The following UBR4 variants were observed in gnomAD, a reference collection of about 807,000 sequenced individuals.
The protein encoded by UBR4 is E3 ubiquitin-protein ligase UBR4.
Under a neutral mutation model 575.6 loss-of-function variants are expected in UBR4, and 124 were observed. That is an observed-to-expected ratio of 0.22 (90% CI 0.19 to 0.25). The LOEUF (loss-of-function observed/expected upper bound fraction) is 0.25, where lower values mean the gene tolerates loss of function less well. Among genes scored for constraint, UBR4 ranks in the 10% least tolerant of loss-of-function variants. The probability of loss-of-function intolerance (pLI) is 1.00; values close to 1 mark genes in which losing one functional copy is unlikely to be tolerated. For missense variants in UBR4, 4,818 were observed against 6,478.8 expected, an observed-to-expected ratio of 0.74 and a Z score of 8.80; for synonymous variants, 2,455 against 2,473.7, an observed-to-expected ratio of 0.99 and a Z score of 0.22.
chr1:19,179,335 A>G (rs2090625705), intron 17 of UBR4, 115 bp from the exon 18 acceptor site: 1 of 1,127,316 alleles, frequency 8.9e-7, no homozygotes, highest in African/African-American at 1.6e-5. Context: ...ATTTTAAAGA[A>G]AGAAGGACCC....
intron 11 of UBR4, among the ~76,000 whole-genome samples, chr1:19,187,745 G>A (rs1387522130): frequency 2.0e-5 from 3 of 152,068 alleles, no homozygotes; most frequent in African/African-American, 7.2e-5. Flanking sequence ...GATGGCCTAA[G>A]GATCTGCAGG....
Position 19,153,970 on chromosome 1 carries a change from GT to G in UBR4, c.6459-32del, listed in dbSNP as rs2086082447. The G allele has an allele frequency of 6.2e-7, 1 of 1,606,652 alleles. No individual in the cohort carries two copies. Among genetic ancestry groups the G allele is most frequent in the Non-Finnish European group, 8.5e-7 (1 of 1,176,248 alleles). ...GACAACAAAACTGGCCACAGTTAGA[GT>G]GTCAGTCACCATTTAATAGTTCTTT... On this transcript the variant is annotated intron_variant, in intron 44 of 105. Coordinates refer to ENST00000375254, the MANE Select transcript of UBR4 (RefSeq NM_020765.3). The surrounding 1 kb of genome is among the most constrained non-coding windows in gnomAD (Gnocchi z 4.1).
chr1:19,085,654 G>A (rs2076941552), intron 101 of UBR4, among the ~76,000 whole-genome samples: 1 of 152,128 alleles, frequency 6.6e-6, no homozygotes, highest in Non-Finnish European at 1.5e-5. Context: ...ACTCCACAAG[G>A]CATCAGCAAG....
rs774222191 is a variant in UBR4, at chr1:19,161,082, A to G, written c.5241T>C (p.Ser1747=). ...CTAGACTCTCTGAAATCCTGGGTTC[A>G]CTCTGAAATGCCGACTCCTTCATGG... ...SSTMKESAFQ[S]EPRISESLVR... is the part of the protein sequence containing the mutation. Residue 1747 remains serine (S), a synonymous_variant, in exon 38 of 106, where the codon AGT becomes AGC. Transcript: ENST00000375254. 1 of 1,613,984 alleles carries G rather than the reference A, an allele frequency of 6.2e-7. No individual in the cohort carries two copies. The highest frequency in any genetic ancestry group is 1.7e-5 in the Admixed American group (1 of 60,002).
intron 42 of UBR4, 28 bp downstream of exon 42, chr1:19,156,243 C>A (rs1284817922): frequency 3.7e-6 from 6 of 1,610,590 alleles, no homozygotes; most frequent in South Asian, 1.1e-5. Flanking sequence ...AATTCTAGGA[C>A]CATATCATCA....
chr1:19,205,842 C>A (rs1012171150), intron 1 of UBR4, among the ~76,000 whole-genome samples: 18 of 152,156 alleles, frequency 1.2e-4, no homozygotes, highest in African/African-American at 4.1e-4. Flanking sequence ...TATCTGGAAA[C>A]AGAAACCTCG....
intron 49 of UBR4, 150 bp from the exon 50 acceptor site, chr1:19,148,776 A>G (rs1557789773): frequency 1.3e-6 from 1 of 786,792 alleles, no homozygotes; most frequent in East Asian, 2.6e-5. Context: ...CACAGGCACC[A>G]TGCATATCGT....
At chr1:19,141,039 TC>T in intron 57 of UBR4, 147 bp from the exon 58 acceptor site, 1 of 858,806 alleles carries the variant, frequency 1.2e-6, no homozygotes, top group Non-Finnish European at 1.8e-6. Context: ...GCCACTGCTG[TC>T]CACCCACCAA....
At chr1:19,200,394 A>G (rs1199771964) in intron 2 of UBR4, among the ~76,000 whole-genome samples, 1 of 152,110 alleles carries the variant, frequency 6.6e-6, no homozygotes, top group Non-Finnish European at 1.5e-5. Context: ...GCACTAGACA[A>G]TACTACTATT....
intron 94 of UBR4, 147 bp downstream of exon 94, chr1:19,094,759 A>G (rs751820876): frequency 1.3e-5 from 14 of 1,081,366 alleles, no homozygotes; most frequent in Non-Finnish European, 1.8e-5. Context: ...CAATTATGTC[A>G]TCATTAGTTG....
intron 49 of UBR4, 46 bp downstream of exon 49, chr1:19,150,531 A>C (rs2150250378): frequency 1.3e-6 from 2 of 1,590,472 alleles, no homozygotes; most frequent in Admixed American, 3.3e-5. Flanking sequence ...TTCTGCAGTG[A>C]GTGGAATATG....
At chr1:19,181,195 A>G (rs1403022334) in intron 17 of UBR4, among the ~76,000 whole-genome samples, 1 of 152,056 alleles carries the variant, frequency 6.6e-6, no homozygotes, top group East Asian at 1.9e-4. Context: ...TGGGCGACAT[A>G]GCGAGACCCC....
rs146746982 is a variant in UBR4, at chr1:19,195,356, C to A, written c.1018+1785G>T. Among the ~76,000 whole-genome samples, 5 of 150,954 alleles carry A rather than the reference C, an allele frequency of 3.3e-5. No homozygotes were observed. In the East Asian group the frequency reaches 9.7e-4, roughly 29 times the overall value. On this transcript the variant is annotated intron_variant, in intron 8 of 105. Coordinates refer to ENST00000375254, the MANE Select transcript of UBR4 (RefSeq NM_020765.3). ...AAGATTATGAAAAAAAAATCCTATA[C>A]CTGGAATTTCTCAAAGACATCATAG...
rs375569094 is a variant in UBR4, at chr1:19,094,137, G to T, written c.13749C>A (p.Gly4583=). Residue 4583 remains glycine (G), a splice_region_variant and synonymous_variant, in exon 95 of 106, where the codon GGC becomes GGA. Transcript: ENST00000375254. ...SNAEPLSEDK[G]NLLLTGDKDQ... is the part of the protein sequence containing the mutation. ...CCTTGTCACCTGTCAGGAGGAGGTT[G>T]CCCTGCAACAGAAAAGAGGGTGAAC... 6.2e-7 allele frequency: 1 copy of T among 1,611,978 alleles called. No individual in the cohort carries two copies. The highest frequency in any genetic ancestry group is 8.5e-7 in the Non-Finnish European group (1 of 1,179,210).
chr1:19,133,791 A>C (rs2082827872), intron 60 of UBR4, among the ~76,000 whole-genome samples: 1 of 151,950 alleles, frequency 6.6e-6, no homozygotes, highest in Admixed American at 6.6e-5. Context: ...ACAAAAAAAA[A>C]AACTAGGCTG....
chr1:19,166,615 C>T (rs373548622), intron 29 of UBR4, among the ~76,000 whole-genome samples: 4 of 150,526 alleles, frequency 2.7e-5, no homozygotes, highest in South Asian at 2.1e-4. Flanking sequence ...TGGTGGCTCA[C>T]GCCTGTAATC....
intron 81 of UBR4, among the ~76,000 whole-genome samples, chr1:19,107,462 G>T (rs1046635938): frequency 6.6e-6 from 1 of 152,112 alleles, no homozygotes; most frequent in Non-Finnish European, 1.5e-5. Context: ...TTACATGGTT[G>T]TATCTATTGC....
In UBR4 at chr1:19,100,334, C is replaced by A. The variant is rs1277707787; in HGVS notation, c.13221+42G>T. 1 of 1,608,828 alleles carries A rather than the reference C, an allele frequency of 6.2e-7. No homozygotes were observed. The highest frequency in any genetic ancestry group is 8.5e-7 in the Non-Finnish European group (1 of 1,176,406). On this transcript the variant is annotated intron_variant, in intron 89 of 105. Transcript: ENST00000375254. The surrounding 1 kb of genome is among the most constrained non-coding windows in gnomAD (Gnocchi z 4.2). ...GGATTTGGTTAGCCTAGGAGGAAGC[C>A]CCTAATCGTAAACGTGGGCAGCACT...
At position 19,121,259 on chromosome 1, in the gene UBR4, T is replaced by C. The variant is rs758002424; in HGVS notation, c.10071A>G (p.Gly3357=). The C allele has an allele frequency of 1.2e-6, 2 of 1,614,176 alleles. No individual in the cohort carries two copies. Among genetic ancestry groups the C allele is most frequent in the East Asian group, 2.2e-5 (1 of 44,876 alleles). The change falls in exon 68 of 106, where the codon GGA becomes GGG. Residue 3357 remains glycine, a synonymous_variant. Transcript: ENST00000375254. The part of the protein sequence containing the change: ...SSSAPVAASS[G]QATTQSKSST... Reference sequence around the variant, plus strand: ...AAGACTTGGACTGTGTTGTGGCTTGTCCAGAACTGGCAGCCACAGGGGCTG... The same window carrying C: ...AAGACTTGGACTGTGTTGTGGCTTGCCCAGAACTGGCAGCCACAGGGGCTG...
Sources: gnomAD v4.1 joint callset for allele counts (sites outside exome capture counted in the v4.1 genomes callset) on GRCh38, gnomAD v4.1.1 for gene constraint, Gnocchi (gnomAD v3.1) non-coding constraint, MANE v1.5 for transcripts, NCBI Gene and HGNC (gene_info 2026-07-23, HGNC 2026-07-21) for gene names.